Variants in VPS29 observed in about 807,000 individuals in gnomAD.
VPS29 encodes the protein VPS29 retromer complex component.
VPS29 carries 2 observed loss-of-function variants against 20.0 expected under a neutral mutation model. The ratio of observed to expected loss-of-function variants is 0.10; its 90% CI spans 0.04 to 0.31. The LOEUF (loss-of-function observed/expected upper bound fraction) is 0.31, where lower values mean the gene tolerates loss of function less well. Ranked by LOEUF, VPS29 falls within the 10% of genes least tolerant of loss-of-function variation. The pLI, the probability that VPS29 is intolerant of heterozygous loss-of-function variation, is 1.00. For synonymous variants in VPS29, 81 were observed against 79.3 expected, an observed-to-expected ratio of 1.02 and a Z score of -0.12; for missense variants, 120 against 215.3, an observed-to-expected ratio of 0.56 and a Z score of 2.77.
Position 110,501,977 on chromosome 12 carries a change from T to G in VPS29, c.3+72A>C, listed in dbSNP as rs760977446. 5.6e-6 allele frequency: 9 copies of G among 1,611,964 alleles called. No individual in the cohort carries two copies. The South Asian group carries it at 9.9e-5, about 18-fold the overall frequency. On this transcript the variant is annotated intron_variant, in intron 1 of 3. Coordinates refer to ENST00000549578, the MANE Select transcript of VPS29 (RefSeq NM_016226.5). ...ATTTCCCAATTCCTCGCCCTCGGCC[T>G]CCCCACGGCTCCCAACAACGCAGCA... is the stretch of plus-strand genomic sequence containing the variant.
intron 3 of VPS29, 37 bp downstream of exon 3, chr12:110,492,958 AC>A: frequency 5.2e-6 from 8 of 1,545,290 alleles, no homozygotes; most frequent in Non-Finnish European, 7.1e-6. Flanking sequence ...CAATTATTTT[AC>A]TAAAGCCCCC....
At chr12:110,492,283 CAT>C (rs1388366697) in intron 3 of VPS29, among the ~76,000 whole-genome samples, 161 bp from the exon 4 acceptor site, 2 of 152,086 alleles carry the variant, frequency 1.3e-5, no homozygotes, top group African/African-American at 4.8e-5. Flanking sequence ...TAAATGGTCA[CAT>C]GTGGCTGGGC....
intron 2 of VPS29, among the ~76,000 whole-genome samples, chr12:110,495,391 C>T (rs182041079): frequency 1.1e-4 from 17 of 152,240 alleles, no homozygotes; most frequent in African/African-American, 2.6e-4. Context: ...GTAGAGGTAG[C>T]GGCGGTGAAA....
chr12:110,502,030 C>A lies in VPS29; in HGVS notation c.3+19G>T. ...CCACCCGAGAGCCAGGCCTTGGTCGCCGCAACTGCAGCCCTCACCATCCTG... is the reference window on the plus strand; with the variant it reads ...CCACCCGAGAGCCAGGCCTTGGTCGACGCAACTGCAGCCCTCACCATCCTG... On this transcript the variant is annotated intron_variant, in intron 1 of 3. Coordinates refer to ENST00000549578, the MANE Select transcript of VPS29 (RefSeq NM_016226.5). The A allele has an allele frequency of 6.2e-7, 1 of 1,613,178 alleles. No homozygotes were observed. Among genetic ancestry groups the A allele is most frequent in the Non-Finnish European group, 8.5e-7 (1 of 1,179,954 alleles).
intron 1 of VPS29, chr12:110,501,686 C>T: frequency 2.1e-6 from 3 of 1,435,656 alleles, no homozygotes; most frequent in Non-Finnish European, 2.8e-6. Context: ...GAGTAGGAAC[C>T]GTCTGGAAAC....
At chr12:110,498,814 A>T in intron 1 of VPS29, 1 of 983,740 alleles carries the variant, frequency 1.0e-6, no homozygotes, top group Non-Finnish European at 1.2e-6. Flanking sequence ...ATCAACATAA[A>T]AGTACCTGGA....
chr12:110,497,893 G>T (rs1399383716), intron 1 of VPS29, among the ~76,000 whole-genome samples: 2 of 151,868 alleles, frequency 1.3e-5, no homozygotes, highest in African/African-American at 2.4e-5. Flanking sequence ...ACTCCAGCCT[G>T]GGCAGCAGAG....
chr12:110,498,982 A>C, intron 1 of VPS29: 8 of 259,888 alleles, frequency 3.1e-5, no homozygotes, highest in Non-Finnish European at 4.2e-5. Context: ...CCCCAAACTC[A>C]TAAAAGGGTA....
In VPS29 at chr12:110,501,482, C is replaced by G. The variant is rs557709414; in HGVS notation, c.3+567G>C. On this transcript the variant is annotated intron_variant, in intron 1 of 3. Transcript: ENST00000549578. ...GCAATTGCAAGCGCCAAATCCCGCCCTCTGAGAGCACACCTGCTCATCTCA... is the reference window on the plus strand; with the variant it reads ...GCAATTGCAAGCGCCAAATCCCGCCGTCTGAGAGCACACCTGCTCATCTCA... 4 of 1,535,520 alleles carry G rather than the reference C, an allele frequency of 2.6e-6. No homozygotes were observed. In the East Asian group the frequency reaches 9.8e-5, roughly 38 times the overall value.
chr12:110,499,663 A>C, intron 1 of VPS29: 2 of 747,796 alleles, frequency 2.7e-6, no homozygotes. Context: ...GAGAACAAAA[A>C]ACCCATACCA....
intron 2 of VPS29, 131 bp from the exon 3 acceptor site, chr12:110,493,362 A>ATT (rs1174705851): frequency 0.016 from 7,224 of 465,654 alleles, 282 homozygotes; most frequent in African/African-American, 0.11. Flanking sequence ...ACATTTATAC[A>ATT]TTTTTTTTTT....
chr12:110,495,904 A>G, intron 2 of VPS29, 108 bp downstream of exon 2: 3 of 1,031,372 alleles, frequency 2.9e-6, no homozygotes, highest in Non-Finnish European at 3.9e-6. Flanking sequence ...GAAAAAGGGA[A>G]AAAAAAAAAA....
At position 110,491,600 on chromosome 12, in the gene VPS29, A is replaced by T. The variant is rs55824160; in HGVS notation, c.*405T>A. 46 of 155,920 alleles carry T rather than the reference A, an allele frequency of 3.0e-4. No homozygotes were observed. The highest frequency in any genetic ancestry group is 5.8e-4 in the Non-Finnish European group (41 of 70,764). The allele number at this position is 155,920 out of a possible 1,614,324, so 9.7% of individuals were successfully genotyped here. A position where few individuals can be genotyped will look rare whatever the true frequency, so the allele number is the denominator to read the frequency against. Reference sequence around the variant, plus strand: ...TTCCTCATTTTTATGTTTTTTTTTAAATTAAATACAGGTTATCAAAGTATA... The same window carrying T: ...TTCCTCATTTTTATGTTTTTTTTTATATTAAATACAGGTTATCAAAGTATA... On this transcript the variant is annotated 3_prime_UTR_variant, in exon 4 of 4. Transcript: ENST00000549578.
intron 1 of VPS29, chr12:110,501,408 G>T: frequency 6.5e-7 from 1 of 1,535,312 alleles, no homozygotes; most frequent in South Asian, 1.2e-5. Context: ...CATCATTAAG[G>T]AATCCTACCC....
intron 1 of VPS29, chr12:110,501,621 A>C: frequency 6.5e-7 from 1 of 1,534,444 alleles, no homozygotes; most frequent in Non-Finnish European, 8.7e-7. Flanking sequence ...TGCATTCGAG[A>C]GGCCAGCTTC....
At chr12:110,492,880 G>A (rs141732041) in intron 3 of VPS29, 116 bp downstream of exon 3, 7 of 916,962 alleles carry the variant, frequency 7.6e-6, no homozygotes, top group African/African-American at 5.0e-5. Context: ...CTGGTCTCCC[G>A]AAGTGCTGGT....
At chr12:110,492,362 G>C (rs2062829777) in intron 3 of VPS29, among the ~76,000 whole-genome samples, 1 of 152,120 alleles carries the variant, frequency 6.6e-6, no homozygotes, top group South Asian at 2.1e-4. Flanking sequence ...CTGAGGTCAG[G>C]AGTTCAATAC....
At chr12:110,499,652 A>G in intron 1 of VPS29, 1 of 826,862 alleles carries the variant, frequency 1.2e-6, no homozygotes, top group Non-Finnish European at 1.9e-6. Context: ...AAAAAAAAAA[A>G]GAGAACAAAA....
intron 1 of VPS29, 138 bp from the exon 2 acceptor site, chr12:110,496,341 C>A: frequency 2.8e-6 from 2 of 712,672 alleles, no homozygotes; most frequent in Non-Finnish European, 4.3e-6. Flanking sequence ...CCTATCATGA[C>A]TATTTATTTA....
Sources: gnomAD v4.1 joint callset for allele counts (sites outside exome capture counted in the v4.1 genomes callset) on GRCh38, gnomAD v4.1.1 for gene constraint, MANE v1.5 for transcripts, NCBI Gene and HGNC (gene_info 2026-07-23, HGNC 2026-07-21) for gene names.